SH2D4B: variants seen among roughly 807,000 people sequenced by gnomAD.
SH2D4B encodes SH2 domain-containing protein 4B.
SH2D4B carries 45 observed loss-of-function variants against 61.5 expected under a neutral mutation model. The observed-to-expected ratio is 0.73, with a 90% confidence interval of 0.58 to 0.94. The LOEUF (loss-of-function observed/expected upper bound fraction) is 0.94. SH2D4B is among the 40% of genes least tolerant of loss of function. The pLI, the probability that SH2D4B is intolerant of heterozygous loss-of-function variation, is 0.00. For synonymous variants in SH2D4B, 224 were observed against 220.4 expected, an observed-to-expected ratio of 1.02 and a Z score of -0.14; for missense variants, 572 against 574.2, an observed-to-expected ratio of 1.00 and a Z score of 0.04.
chr10:80,604,280 C>T (rs1001551341), intron 5 of SH2D4B, among the ~76,000 whole-genome samples: 2 of 152,136 alleles, frequency 1.3e-5, no homozygotes, highest in Non-Finnish European at 2.9e-5. Context: ...TGGTTGCAGG[C>T]GGGTCCTCAC....
chr10:80,571,611 C>T, intron 3 of SH2D4B, 33 bp downstream of exon 3: 1 of 1,610,546 alleles, frequency 6.2e-7, no homozygotes, highest in Non-Finnish European at 8.5e-7. Flanking sequence ...TGCGTGCGGC[C>T]ACCTAATTAG....
In SH2D4B at chr10:80,641,269, G is replaced by T. The variant is rs150424620; in HGVS notation, c.1210-2724G>T. Among the ~76,000 whole-genome samples, 501 of 152,380 alleles carry T rather than the reference G, an allele frequency of 3.3e-3. 5 individuals are homozygous for T. The highest frequency in any genetic ancestry group is 0.012 in the African/African-American group (490 of 41,590). The stretch of plus-strand genomic sequence containing the variant: ...AGGGGTCAGGTATCCACTTGAGGAG[G>T]CAGTCTGTCTGTTCTCAGAGCTCAA... On this transcript the variant is annotated intron_variant, in intron 7 of 7. Coordinates refer to ENST00000646907, the MANE Select transcript of SH2D4B (RefSeq NM_001388272.1).
chr10:80,587,130 GTTTT>G (rs1186883717), intron 3 of SH2D4B, among the ~76,000 whole-genome samples: 2 of 67,250 alleles, frequency 3.0e-5, no homozygotes, highest in Admixed American at 1.7e-4. Context: ...TTCCGGCCAC[GTTTT>G]TTTTTTTTTT....
At chr10:80,543,795 G>C (rs541550768) in intron 1 of SH2D4B, among the ~76,000 whole-genome samples, 1 of 152,192 alleles carries the variant, frequency 6.6e-6, no homozygotes, top group Admixed American at 6.5e-5. Flanking sequence ...CCTGTGTCTA[G>C]CTCAGGGTTT....
rs755488103 is a variant in SH2D4B at position 80,538,733 on chromosome 10, C to A, written c.184+218C>A. ...CGAGGCTGCTGCAGAGGCTGTCCAG[C>A]GGCCCTTATTGGAGTCGGGGAGTTG... is the stretch of plus-strand genomic sequence containing the variant. On this transcript the variant is annotated intron_variant, in intron 1 of 7. Transcript: ENST00000646907. The surrounding 1 kb of genome is among the most constrained non-coding windows in gnomAD (Gnocchi z 4.8). Among the ~76,000 whole-genome samples, 1 of 152,190 alleles carries A rather than the reference C, an allele frequency of 6.6e-6. No homozygotes were observed. Among genetic ancestry groups the A allele is most frequent in the Non-Finnish European group, 1.5e-5 (1 of 68,036 alleles).
At chr10:80,622,028 G>A (rs1842721034) in intron 6 of SH2D4B, among the ~76,000 whole-genome samples, 2 of 152,012 alleles carry the variant, frequency 1.3e-5, no homozygotes, top group Non-Finnish European at 2.9e-5. Context: ...GCTGAATTTT[G>A]CCTTTTTTCT....
chr10:80,578,995 T>C (rs545515764), intron 3 of SH2D4B, among the ~76,000 whole-genome samples: 49 of 152,244 alleles, frequency 3.2e-4, no homozygotes, highest in African/African-American at 1.2e-3. Flanking sequence ...GGCAGCACCA[T>C]CCCACCATGG....
Position 80,640,038 on chromosome 10 carries a change from C to A in SH2D4B, c.1210-3955C>A, listed in dbSNP as rs144461341. Among the ~76,000 whole-genome samples, 561 of 152,272 alleles carry A rather than the reference C, an allele frequency of 3.7e-3. 3 individuals carry two copies. Among genetic ancestry groups the A allele is most frequent in the African/African-American group, 0.013 (542 of 41,550 alleles). On this transcript the variant is annotated intron_variant, in intron 7 of 7. Transcript: ENST00000646907. ...TGTGTAAAGTATTTTATTTCTCCTT[C>A]ATTTATGAAGCTTAGTTTGGCTGGA...
chr10:80,556,352 C>A (rs1199229125), intron 1 of SH2D4B, among the ~76,000 whole-genome samples: 1 of 152,134 alleles, frequency 6.6e-6, no homozygotes, highest in African/African-American at 2.4e-5. Flanking sequence ...TCAAACAGTA[C>A]CTTTATAGTA....
intron 4 of SH2D4B, among the ~76,000 whole-genome samples, chr10:80,602,800 G>C (rs1589352595): frequency 6.6e-6 from 1 of 152,182 alleles, no homozygotes; most frequent in Admixed American, 6.5e-5. Context: ...GTCTTTAAAT[G>C]CTCCTTTGTT....
At position 80,538,315 on chromosome 10, in the gene SH2D4B, G is replaced by A. The variant is rs1359185224; in HGVS notation, c.-17G>A. On this transcript the variant is annotated 5_prime_UTR_variant, in exon 1 of 8. Transcript: ENST00000646907. This position sits in a 1 kb window ranked among gnomAD's most constrained non-coding sequence, Gnocchi z 4.8. ...CCTGCTGGCTGCCCTTCTGGTGCGT[G>A]CATCCCAGGTGGCATCATGCTGCAG... 3.0e-6 allele frequency: 4 copies of A among 1,313,684 alleles called. No individual in the cohort carries two copies. The highest frequency in any genetic ancestry group is 3.0e-5 in the East Asian group (1 of 32,854). 81.4% of individuals were successfully genotyped at this position (1,313,684 alleles called of 1,614,324 possible). A position where few individuals can be genotyped will look rare whatever the true frequency, so the allele number is the denominator to read the frequency against.
At chr10:80,586,932 C>T (rs1245890829) in intron 3 of SH2D4B, among the ~76,000 whole-genome samples, 1 of 148,492 alleles carries the variant, frequency 6.7e-6, no homozygotes, top group Non-Finnish European at 1.5e-5. Flanking sequence ...CTGTAACACT[C>T]ACCGCGGAGG....
intron 4 of SH2D4B, among the ~76,000 whole-genome samples, chr10:80,600,238 T>G (rs1411789739): frequency 6.6e-6 from 1 of 152,236 alleles, no homozygotes; most frequent in Non-Finnish European, 1.5e-5. Context: ...ACTGATTTCT[T>G]TCCCCATATT....
intron 3 of SH2D4B, among the ~76,000 whole-genome samples, chr10:80,585,801 C>T (rs1045199118): frequency 2.6e-5 from 4 of 152,190 alleles, no homozygotes; most frequent in South Asian, 2.1e-4. Context: ...TTCAGCCCAC[C>T]GCTGCACTGT....
intron 1 of SH2D4B, among the ~76,000 whole-genome samples, chr10:80,544,615 G>C (rs1318942472): frequency 1.3e-5 from 2 of 152,234 alleles, no homozygotes; most frequent in African/African-American, 4.8e-5. Context: ...TCCAGGCATG[G>C]ATGTCCTGAC....
At chr10:80,554,799 G>A (rs924594715) in intron 1 of SH2D4B, among the ~76,000 whole-genome samples, 15 of 152,072 alleles carry the variant, frequency 9.9e-5, no homozygotes, top group Non-Finnish European at 1.8e-4. Flanking sequence ...CACAAGGTCA[G>A]GAGATCAAGA....
intron 3 of SH2D4B, among the ~76,000 whole-genome samples, chr10:80,576,916 C>T (rs1488019170): frequency 1.3e-5 from 2 of 152,076 alleles, no homozygotes; most frequent in Admixed American, 6.5e-5. Context: ...TACAGGTGCA[C>T]ACCACCACAC....
intron 3 of SH2D4B, among the ~76,000 whole-genome samples, chr10:80,579,385 T>C (rs1004466149): frequency 6.6e-6 from 1 of 152,220 alleles, no homozygotes; most frequent in African/African-American, 2.4e-5. Context: ...TACATGCATA[T>C]AAAAGTGTTC....
intron 5 of SH2D4B, among the ~76,000 whole-genome samples, chr10:80,604,130 C>T (rs1193247801): frequency 6.6e-6 from 1 of 152,182 alleles, no homozygotes; most frequent in Admixed American, 6.5e-5. Context: ...CTAAGGGCCT[C>T]CGGCTAAGAA....
Sources: gnomAD v4.1 joint callset for allele counts (sites outside exome capture counted in the v4.1 genomes callset) on GRCh38, gnomAD v4.1.1 for gene constraint, Gnocchi (gnomAD v3.1) non-coding constraint, MANE v1.5 for transcripts, NCBI Gene and HGNC (gene_info 2026-07-23, HGNC 2026-07-21) for gene names.